The following CPQ variants were observed in gnomAD, a reference collection of about 807,000 sequenced individuals.
CPQ encodes the protein carboxypeptidase Q, also known as Ser-Met dipeptidase.
CPQ carries 37 observed loss-of-function variants against 45.7 expected under a neutral mutation model. The ratio of observed to expected loss-of-function variants is 0.81; its 90% confidence interval spans 0.62 to 1.07. The LOEUF (loss-of-function observed/expected upper bound fraction) is 1.07, where lower values mean the gene tolerates loss of function less well. CPQ is among the 50% of genes least tolerant of loss of function. The pLI, the probability that CPQ is intolerant of heterozygous loss-of-function variation, is 0.00. For missense variants in CPQ, 537 were observed against 572.9 expected, an observed-to-expected ratio of 0.94 and a Z score of 0.64; for synonymous variants, 186 against 205.8, an observed-to-expected ratio of 0.90 and a Z score of 0.82.
intron 1 of CPQ, among the ~76,000 whole-genome samples, chr8:96,738,668 TTC>T (rs992230774): frequency 3.3e-4 from 50 of 152,132 alleles, no homozygotes; most frequent in African/African-American, 1.2e-3. Flanking sequence ...TGTCCATGTG[TTC>T]TTATTGTTCA....
intron 4 of CPQ, among the ~76,000 whole-genome samples, chr8:96,955,705 T>C (rs1238737667): frequency 6.6e-6 from 1 of 152,070 alleles, no homozygotes; most frequent in Non-Finnish European, 1.5e-5. Flanking sequence ...AACAGAGCCC[T>C]CAGAAACAAT....
At chr8:97,092,119 C>A (rs1472670527) in intron 7 of CPQ, among the ~76,000 whole-genome samples, 1 of 152,094 alleles carries the variant, frequency 6.6e-6, no homozygotes, top group African/African-American at 2.4e-5. Context: ...TAAAGAGCAG[C>A]TAATGTTCCA....
chr8:97,081,532 G>A (rs758531491), intron 7 of CPQ, among the ~76,000 whole-genome samples: 6 of 152,116 alleles, frequency 3.9e-5, no homozygotes, highest in Non-Finnish European at 7.4e-5. Context: ...AGAGCTAATT[G>A]GTCAGGCTGC....
intron 4 of CPQ, among the ~76,000 whole-genome samples, chr8:96,885,373 T>C (rs888721947): frequency 7.2e-5 from 11 of 152,172 alleles, no homozygotes; most frequent in Admixed American, 4.6e-4. Context: ...AATGTTGCAT[T>C]GGGGATTAAG....
intron 5 of CPQ, among the ~76,000 whole-genome samples, chr8:96,990,450 GGCA>G (rs1809067701): frequency 1.3e-5 from 2 of 152,126 alleles, no homozygotes; most frequent in African/African-American, 4.8e-5. Context: ...CTTGTTGAAG[GGCA>G]TGTTGAATAG....
At chr8:96,775,087 CA>C (rs1397442620) in intron 1 of CPQ, among the ~76,000 whole-genome samples, 1 of 152,092 alleles carries the variant, frequency 6.6e-6, no homozygotes, top group Non-Finnish European at 1.5e-5. Flanking sequence ...ACTTTCTTGT[CA>C]GGTGCTTCTG....
chr8:97,088,459 A>G (rs1811075145), intron 7 of CPQ, among the ~76,000 whole-genome samples: 1 of 152,240 alleles, frequency 6.6e-6, no homozygotes, highest in Non-Finnish European at 1.5e-5. Flanking sequence ...GAAATTTTAC[A>G]CAAATTGCTT....
chr8:96,931,342 CA>C, intron 4 of CPQ, among the ~76,000 whole-genome samples: 1 of 152,228 alleles, frequency 6.6e-6, no homozygotes, highest in Admixed American at 6.5e-5. Flanking sequence ...GAAGTTTTGG[CA>C]AAAAATGAAG....
intron 6 of CPQ, among the ~76,000 whole-genome samples, chr8:97,041,121 G>A (rs1810115487): frequency 1.3e-5 from 2 of 152,178 alleles, no homozygotes; most frequent in Admixed American, 6.5e-5. Context: ...CATGAGCATG[G>A]GATGTTCTTC....
intron 5 of CPQ, among the ~76,000 whole-genome samples, chr8:96,981,108 C>A (rs139222187): frequency 6.6e-6 from 1 of 152,042 alleles, no homozygotes; most frequent in African/African-American, 2.4e-5. Flanking sequence ...AAAACACAAC[C>A]AAATCTAGTG....
At chr8:96,966,664 G>A (rs1047774400) in intron 5 of CPQ, among the ~76,000 whole-genome samples, 23 of 152,172 alleles carry the variant, frequency 1.5e-4, no homozygotes, top group African/African-American at 5.3e-4. Flanking sequence ...CCCCTGGGGG[G>A]CCAGGGAAGC....
intron 1 of CPQ, among the ~76,000 whole-genome samples, chr8:96,676,402 A>C (rs932568462): frequency 3.3e-5 from 5 of 151,856 alleles, no homozygotes; most frequent in Non-Finnish European, 7.4e-5. Context: ...TTTCTATTCT[A>C]TTCCATTGGT....
intron 1 of CPQ, among the ~76,000 whole-genome samples, chr8:96,713,154 A>C (rs1809635264): frequency 6.6e-6 from 1 of 152,186 alleles, no homozygotes. Context: ...TTTTGGTCAA[A>C]GCCATTCAAC....
intron 4 of CPQ, among the ~76,000 whole-genome samples, chr8:96,927,780 G>A (rs1197075559): frequency 6.6e-6 from 1 of 152,106 alleles, no homozygotes; most frequent in Non-Finnish European, 1.5e-5. Context: ...TATACTCCAG[G>A]AACCAAGCTA....
At chr8:96,951,606 G>GT (rs1373369603) in intron 4 of CPQ, among the ~76,000 whole-genome samples, 2 of 152,078 alleles carry the variant, frequency 1.3e-5, no homozygotes. Flanking sequence ...AAATAAAAAC[G>GT]TAACTTACCT....
chr8:97,044,102 CT>C (rs1394564804), intron 6 of CPQ, among the ~76,000 whole-genome samples: 373 of 152,254 alleles, frequency 2.4e-3, no homozygotes, highest in Non-Finnish European at 4.3e-3. Context: ...TCCATTCTGC[CT>C]GTCACTTTCA....
At chr8:96,916,258 T>C (rs866622243) in intron 4 of CPQ, among the ~76,000 whole-genome samples, 1 of 152,172 alleles carries the variant, frequency 6.6e-6, no homozygotes, top group Middle Eastern at 3.2e-3. Context: ...CCAGTTCCTA[T>C]TTATGTGTCA....
intron 7 of CPQ, among the ~76,000 whole-genome samples, chr8:97,068,527 G>C (rs1375818324): frequency 6.6e-6 from 1 of 152,182 alleles, no homozygotes; most frequent in African/African-American, 2.4e-5. Context: ...CAGCTAACTG[G>C]GAGGCTGAGG....
At chr8:96,981,870 C>T (rs900601690) in intron 5 of CPQ, among the ~76,000 whole-genome samples, 3 of 152,092 alleles carry the variant, frequency 2.0e-5, no homozygotes, top group South Asian at 2.1e-4. Flanking sequence ...TCCTCAAAGC[C>T]GCCCTGTAAG....
Sources: gnomAD v4.1 joint callset for allele counts (sites outside exome capture counted in the v4.1 genomes callset) on GRCh38, gnomAD v4.1.1 for gene constraint, MANE v1.5 for transcripts, NCBI Gene and HGNC (gene_info 2026-07-23, HGNC 2026-07-21) for gene names.